The following LRRC28 variants were observed in gnomAD, a reference collection of about 807,000 sequenced individuals.
The protein encoded by LRRC28 is leucine-rich repeat-containing protein 28.
Under a neutral mutation model 45.7 loss-of-function variants are expected in LRRC28, and 39 were observed. That is an observed-to-expected ratio of 0.85 (90% CI 0.66 to 1.12). The LOEUF (loss-of-function observed/expected upper bound fraction) is 1.12, where lower values mean the gene tolerates loss of function less well. LRRC28 is among the 50% of genes most tolerant of loss of function. LRRC28 has a pLI of 0.00. For missense variants in LRRC28, 435 were observed against 438.5 expected (o/e 0.99, Z 0.07); for synonymous variants, 206 against 178.8 (o/e 1.15, Z -1.22).
chr15:99,287,734 T>A, intron 4 of LRRC28, 80 bp from the exon 5 acceptor site: 1 of 1,444,190 alleles, frequency 6.9e-7, no homozygotes, highest in Non-Finnish European at 9.3e-7. Flanking sequence ...GTAAAATATT[T>A]TAACTTGGAA....
chr15:99,276,286 A>G (rs925438694), intron 2 of LRRC28, among the ~76,000 whole-genome samples: 13 of 151,936 alleles, frequency 8.6e-5, no homozygotes, highest in African/African-American at 3.1e-4. Flanking sequence ...TCCCCAAACC[A>G]CCCCCACAAC....
At chr15:99,384,099 T>C (rs188722719) in intron 9 of LRRC28, among the ~76,000 whole-genome samples, 9 of 152,268 alleles carry the variant, frequency 5.9e-5, no homozygotes, top group East Asian at 1.9e-4. Flanking sequence ...CCTCCAGGAG[T>C]AGACCTTTCA....
intron 9 of LRRC28, among the ~76,000 whole-genome samples, chr15:99,365,998 A>G (rs1483923802): frequency 6.6e-6 from 1 of 152,258 alleles, no homozygotes; most frequent in Non-Finnish European, 1.5e-5. Context: ...TAATAAAATA[A>G]CATGTCTCTT....
At chr15:99,272,244 A>G (rs545907547) in intron 2 of LRRC28, among the ~76,000 whole-genome samples, 67 of 152,270 alleles carry the variant, frequency 4.4e-4, no homozygotes, top group African/African-American at 1.6e-3. Flanking sequence ...TCTTGTCTAC[A>G]CTGTACTAGT....
chr15:99,376,998 T>A (rs1957658549), intron 9 of LRRC28, among the ~76,000 whole-genome samples: 1 of 152,196 alleles, frequency 6.6e-6, no homozygotes, highest in Non-Finnish European at 1.5e-5. Context: ...AGTGCCGCAA[T>A]AAACATACGT....
At chr15:99,253,176 A>G (rs2080910706) in intron 1 of LRRC28, among the ~76,000 whole-genome samples, 2 of 151,556 alleles carry the variant, frequency 1.3e-5, no homozygotes, top group African/African-American at 4.9e-5. Flanking sequence ...GTTGGAGTGC[A>G]GTGGTGCGAT....
At chr15:99,263,031 C>T (rs758124631) in intron 2 of LRRC28, among the ~76,000 whole-genome samples, 7 of 151,118 alleles carry the variant, frequency 4.6e-5, no homozygotes, top group Non-Finnish European at 7.4e-5. Flanking sequence ...TTGTGGGGGC[C>T]GGGTGCAGTG....
intron 1 of LRRC28, among the ~76,000 whole-genome samples, chr15:99,254,763 C>G (rs1402574222): frequency 6.6e-6 from 1 of 152,204 alleles, no homozygotes; most frequent in African/African-American, 2.4e-5. Context: ...TTTGTTTTAG[C>G]TCTGTGCCTA....
intron 5 of LRRC28, among the ~76,000 whole-genome samples, chr15:99,289,198 C>A (rs1029415086): frequency 6.6e-6 from 1 of 151,872 alleles, no homozygotes; most frequent in South Asian, 2.1e-4. Context: ...CTTTGTGAAT[C>A]CACGTATTAG....
chr15:99,262,453 G>A (rs1340133202), intron 2 of LRRC28, among the ~76,000 whole-genome samples: 5 of 152,168 alleles, frequency 3.3e-5, no homozygotes, highest in East Asian at 1.9e-4. Context: ...ATGGTGGTGC[G>A]CGTCTGTAGT....
chr15:99,298,059 A>G (rs1469228242), intron 5 of LRRC28, among the ~76,000 whole-genome samples: 3 of 152,154 alleles, frequency 2.0e-5, no homozygotes, highest in Non-Finnish European at 4.4e-5. Context: ...TTAAAAAAAA[A>G]AAGGCAAAAG....
chr15:99,370,759 A>T (rs528531574), intron 9 of LRRC28, among the ~76,000 whole-genome samples: 1 of 152,296 alleles, frequency 6.6e-6, no homozygotes, highest in Non-Finnish European at 1.5e-5. Flanking sequence ...TCAAGCAATT[A>T]TAGGTGTGAA....
intron 5 of LRRC28, among the ~76,000 whole-genome samples, chr15:99,294,672 G>T (rs2082217314): frequency 6.6e-6 from 1 of 152,144 alleles, no homozygotes; most frequent in Admixed American, 6.5e-5. Context: ...GGCATCTTTT[G>T]TAAGGGCACT....
Position 99,276,601 on chromosome 15 carries a change from C to T in LRRC28, c.194C>T (p.Pro65Leu). Residue 65 changes from proline (P) to leucine (L), a missense_variant, in exon 3 of 10, where the codon CCA (proline) becomes CTA (leucine). Physicochemically the swap from Pro to Leu is moderately conservative, Grantham distance 98 (BLOSUM62 -3). Coordinates refer to ENST00000301981, the MANE Select transcript of LRRC28 (RefSeq NM_144598.5). ...CCAGAAAACCTTGCTCAGAAGCTTC[C>T]AAACCTTGTGGAACTGTGAGTCTGT... ...SLPENLAQKL[P>L]NLVELYLHSN... The T allele has an allele frequency of 1.3e-6, 2 of 1,527,734 alleles. No individual in the cohort carries two copies. Among genetic ancestry groups the T allele is most frequent in the East Asian group, 2.4e-5 (1 of 41,372 alleles). 94.6% of individuals were successfully genotyped at this position (1,527,734 alleles called of 1,614,324 possible).
chr15:99,332,223 G>C (rs1293349304), intron 5 of LRRC28, among the ~76,000 whole-genome samples: 2 of 152,144 alleles, frequency 1.3e-5, no homozygotes, highest in Non-Finnish European at 2.9e-5. Context: ...GCAAGGTGGA[G>C]TACTATGCCA....
At chr15:99,315,773 C>T (rs981506246) in intron 5 of LRRC28, among the ~76,000 whole-genome samples, 2 of 152,112 alleles carry the variant, frequency 1.3e-5, no homozygotes, top group Non-Finnish European at 1.5e-5. Context: ...ATCAGAAATA[C>T]CATCTTCAGG....
At chr15:99,321,581 T>C (rs1046330280) in intron 5 of LRRC28, among the ~76,000 whole-genome samples, 1 of 152,240 alleles carries the variant, frequency 6.6e-6, no homozygotes, top group Admixed American at 6.5e-5. Flanking sequence ...TTCACTTTTT[T>C]TTCCTCCAAG....
intron 7 of LRRC28, among the ~76,000 whole-genome samples, chr15:99,360,016 T>G (rs961312105): frequency 5.9e-5 from 9 of 152,178 alleles, no homozygotes; most frequent in Middle Eastern, 3.2e-3. Flanking sequence ...ATCAGTCCCT[T>G]TCCTGTCTAC....
intron 5 of LRRC28, chr15:99,331,959 G>A (rs971936038): frequency 3.9e-5 from 6 of 152,126 alleles, no homozygotes; most frequent in African/African-American, 7.2e-5. Flanking sequence ...GCACCTCGTC[G>A]GTTGTGTGTG....
Sources: allele counts gnomAD v4.1 joint callset (sites outside exome capture counted in the v4.1 genomes callset), GRCh38; gene constraint gnomAD v4.1.1; transcripts MANE v1.5; gene names NCBI Gene and HGNC (gene_info 2026-07-23, HGNC 2026-07-21).